CUX2: variants seen among roughly 807,000 people sequenced by gnomAD.
CUX2 encodes the protein homeobox protein cut-like 2.
Under a neutral mutation model 144.8 loss-of-function variants are expected in CUX2, and 40 were observed. The ratio of observed to expected loss-of-function variants is 0.28; its 90% CI spans 0.21 to 0.36. CUX2 has a LOEUF of 0.36. Ranked by LOEUF, CUX2 falls within the 10% of genes least tolerant of loss-of-function variation. The pLI is 1.00. For missense variants in CUX2, 1,615 were observed against 1,994.0 expected (o/e 0.81, Z 3.62); for synonymous variants, 827 against 875.6 (o/e 0.94, Z 0.98).
Position 111,176,103 on chromosome 12 carries a change from A to G in CUX2, c.64-38097A>G, listed in dbSNP as rs77613668. 1.8e-3 allele frequency among the ~76,000 whole-genome samples: 256 copies of G among 144,908 alleles called. 2 individuals carry two copies. Among genetic ancestry groups the G allele is most frequent in the African/African-American group, 6.4e-3 (241 of 37,890 alleles). On this transcript the variant is annotated intron_variant, in intron 1 of 21. Coordinates refer to ENST00000261726, the MANE Select transcript of CUX2 (RefSeq NM_015267.4). ...GTTTCACTCTGTTGCCCAGGCTGCAATACAGTGATGCGATCACAGCTCACT... is the reference window on the plus strand; with the variant it reads ...GTTTCACTCTGTTGCCCAGGCTGCAGTACAGTGATGCGATCACAGCTCACT...
At chr12:111,087,615 G>C (rs924747871) in intron 1 of CUX2, among the ~76,000 whole-genome samples, 2 of 152,188 alleles carry the variant, frequency 1.3e-5, no homozygotes. Context: ...TGGCTGTAGA[G>C]TCGACTTAGC....
chr12:111,035,571 G>T lies in CUX2; in HGVS notation c.63+1331G>T, dbSNP rs1044326081. Among the ~76,000 whole-genome samples, 1 of 152,098 alleles carries T rather than the reference G, an allele frequency of 6.6e-6. No homozygotes were observed. Among genetic ancestry groups the T allele is most frequent in the Middle Eastern group, 3.4e-3 (1 of 294 alleles). On this transcript the variant is annotated intron_variant, in intron 1 of 21. Coordinates refer to ENST00000261726, the MANE Select transcript of CUX2 (RefSeq NM_015267.4). The surrounding 1 kb of genome is among the most constrained non-coding windows in gnomAD (Gnocchi z 6.0). ...ATCCTGCCTTGACCGTGACATTCGC[G>T]GAAGACGCGAGATCATCAGTCTGGA...
At chr12:111,208,266 T>C (rs1881028855) in intron 1 of CUX2, among the ~76,000 whole-genome samples, 1 of 152,044 alleles carries the variant, frequency 6.6e-6, no homozygotes, top group Non-Finnish European at 1.5e-5. Flanking sequence ...GAGTGTGAGG[T>C]GTCCTTGGAG....
intron 1 of CUX2, among the ~76,000 whole-genome samples, chr12:111,126,954 G>C (rs1875123105): frequency 6.6e-6 from 1 of 152,212 alleles, no homozygotes; most frequent in Non-Finnish European, 1.5e-5. Context: ...AAGGACTTCA[G>C]TGATGTTTAC....
chr12:111,229,979 A>C lies in CUX2; in HGVS notation c.222+12042A>C, dbSNP rs376173896. On this transcript the variant is annotated intron_variant, in intron 3 of 21. Transcript: ENST00000261726. The stretch of plus-strand genomic sequence containing the variant: ...CAGTGAACTGAGATCGTGCCACTGC[A>C]CTCCAGCCTGGATGACAAAGTGAGA... 2.0e-5 allele frequency among the ~76,000 whole-genome samples: 3 copies of C among 148,654 alleles called. No homozygotes were observed. The East Asian group carries it at 6.0e-4, about 30-fold the overall frequency.
At chr12:111,299,692 T>C (rs1432452006) in intron 9 of CUX2, among the ~76,000 whole-genome samples, 1 of 152,202 alleles carries the variant, frequency 6.6e-6, no homozygotes, top group Admixed American at 6.5e-5. Context: ...CTACATAGCC[T>C]TTTTAGAATG....
chr12:111,103,283 CAG>C (rs1873380383), intron 1 of CUX2, among the ~76,000 whole-genome samples: 1 of 152,142 alleles, frequency 6.6e-6, no homozygotes, highest in Non-Finnish European at 1.5e-5. Flanking sequence ...TTCCCATAAA[CAG>C]GGCGCCTGAT....
intron 1 of CUX2, among the ~76,000 whole-genome samples, chr12:111,120,879 A>T (rs913997384): frequency 2.6e-4 from 39 of 151,528 alleles, no homozygotes; most frequent in African/African-American, 9.2e-4. Flanking sequence ...ATTTTAGAAT[A>T]CTTACTTGTG....
chr12:111,189,264 C>A (rs1165695286), intron 1 of CUX2, among the ~76,000 whole-genome samples: 2 of 152,102 alleles, frequency 1.3e-5, no homozygotes, highest in African/African-American at 4.8e-5. Context: ...AGAATGAGAC[C>A]CTGTCTCAAA....
At chr12:111,103,086 C>T (rs763362371) in intron 1 of CUX2, among the ~76,000 whole-genome samples, 10 of 152,106 alleles carry the variant, frequency 6.6e-5, no homozygotes, top group Non-Finnish European at 1.2e-4. Flanking sequence ...CTTACCTTGA[C>T]GGTCTTATTG....
At chr12:111,110,022 CCCA>C (rs1873843122) in intron 1 of CUX2, among the ~76,000 whole-genome samples, 3 of 151,812 alleles carry the variant, frequency 2.0e-5, no homozygotes, top group Admixed American at 1.3e-4. Flanking sequence ...ACCACAGGTG[CCCA>C]CCACCACACT....
At chr12:111,250,344 A>G (rs930460296) in intron 3 of CUX2, among the ~76,000 whole-genome samples, 1 of 152,102 alleles carries the variant, frequency 6.6e-6, no homozygotes, top group East Asian at 1.9e-4. Flanking sequence ...CCGCCCCCCA[A>G]TTCACACCCT....
At position 111,182,303 on chromosome 12, in the gene CUX2, G is replaced by A. The variant is rs1482786480; in HGVS notation, c.64-31897G>A. The stretch of plus-strand genomic sequence containing the variant: ...AAATAATTAATTCCTCTAAACAGAG[G>A]ACCACTTCCACGCTAAATCATACCT... On this transcript the variant is annotated intron_variant, in intron 1 of 21. Transcript: ENST00000261726. Among the ~76,000 whole-genome samples the A allele has an allele frequency of 2.6e-5, 4 of 152,154 alleles. No homozygotes were observed. In the East Asian group the frequency reaches 7.7e-4, roughly 29 times the overall value.
intron 1 of CUX2, among the ~76,000 whole-genome samples, chr12:111,151,650 G>C (rs1267869061): frequency 6.6e-6 from 1 of 152,098 alleles, no homozygotes; most frequent in Admixed American, 6.6e-5. Flanking sequence ...ACTTAGGGGC[G>C]GTGGACTGTG....
At chr12:111,288,310 G>A (rs888184249) in intron 4 of CUX2, among the ~76,000 whole-genome samples, 4 of 152,192 alleles carry the variant, frequency 2.6e-5, no homozygotes, top group African/African-American at 9.6e-5. Context: ...CAAGTGTCTG[G>A]TGCCATGTGG....
At chr12:111,138,870 A>G (rs141005163) in intron 1 of CUX2, among the ~76,000 whole-genome samples, 41 of 152,002 alleles carry the variant, frequency 2.7e-4, no homozygotes, top group African/African-American at 8.7e-4. Context: ...CATTCACCCC[A>G]CACAGCTCCC....
At chr12:111,116,632 A>G (rs1874322803) in intron 1 of CUX2, among the ~76,000 whole-genome samples, 1 of 152,236 alleles carries the variant, frequency 6.6e-6, no homozygotes, top group Non-Finnish European at 1.5e-5. Context: ...GAGAGAGAGA[A>G]GAAGCCCAAG....
intron 15 of CUX2, 105 bp from the exon 16 acceptor site, chr12:111,311,995 A>T (rs1886930159): frequency 7.1e-6 from 6 of 848,446 alleles, no homozygotes; most frequent in Non-Finnish European, 9.3e-6. Context: ...TGATGGTCTG[A>T]CCCTCACTCT....
At chr12:111,109,248 C>T (rs1453354916) in intron 1 of CUX2, among the ~76,000 whole-genome samples, 1 of 152,150 alleles carries the variant, frequency 6.6e-6, no homozygotes, top group African/African-American at 2.4e-5. Flanking sequence ...TATTTGTTTA[C>T]CCTGAAGGAA....
Sources: gnomAD v4.1 joint callset for allele counts (sites outside exome capture counted in the v4.1 genomes callset) on GRCh38, gnomAD v4.1.1 for gene constraint, Gnocchi (gnomAD v3.1) non-coding constraint, MANE v1.5 for transcripts, NCBI Gene and HGNC (gene_info 2026-07-23, HGNC 2026-07-21) for gene names.